The following GREB1L variants were observed in gnomAD, a reference collection of about 807,000 sequenced individuals.
GREB1L encodes the protein GREB1-like protein.
In GREB1L, 17 loss-of-function variants were observed where a neutral mutation model predicts 200.8. The ratio of observed to expected loss-of-function variants is 0.08; its 90% CI spans 0.06 to 0.13. The LOEUF is 0.13. Among genes scored for constraint, GREB1L ranks in the 10% least tolerant of loss-of-function variants. GREB1L has a pLI of 1.00. For missense variants in GREB1L, 1,657 were observed against 2,367.7 expected, an observed-to-expected ratio of 0.70 and a Z score of 6.23; for synonymous variants, 789 against 893.0, an observed-to-expected ratio of 0.88 and a Z score of 2.08.
intron 2 of GREB1L, among the ~76,000 whole-genome samples, chr18:21,381,601 TG>T (rs1483842506): frequency 2.0e-5 from 3 of 152,234 alleles, no homozygotes; most frequent in Non-Finnish European, 2.9e-5. Context: ...GAGTAGCTTA[TG>T]TGCTTCTGCA....
Position 21,495,783 on chromosome 18 carries a change from C to T in GREB1L, c.3144C>T (p.Pro1048=). The T allele has an allele frequency of 2.0e-6, 3 of 1,471,820 alleles. No individual in the cohort carries two copies. Among genetic ancestry groups the T allele is most frequent in the Non-Finnish European group, 2.8e-6 (3 of 1,081,664 alleles). 91.2% of individuals were successfully genotyped at this position (1,471,820 alleles called of 1,614,324 possible). A position where few individuals can be genotyped will look rare whatever the true frequency, so the allele number is the denominator to read the frequency against. ...TGKDPLGETF[P]RSLKYCDLRL... is the part of the protein sequence containing the mutation. ...AAGATCCTCTTGGAGAAACCTTTCC[C>T]AGGTACAGTTTCAATAATTAATTCC... The change falls in exon 20 of 33, where the codon CCC becomes CCT. Residue 1048 remains proline, a splice_region_variant and synonymous_variant. Transcript: ENST00000424526.
intron 4 of GREB1L, among the ~76,000 whole-genome samples, chr18:21,384,964 A>AG (rs1261084071): frequency 6.6e-6 from 1 of 151,764 alleles, no homozygotes; most frequent in Non-Finnish European, 1.5e-5. Flanking sequence ...TTTATTTATT[A>AG]GGGTCAACCT....
chr18:21,450,921 T>TA (rs2145422274), intron 12 of GREB1L, 102 bp from the exon 13 acceptor site: 5 of 1,196,234 alleles, frequency 4.2e-6, no homozygotes, highest in Non-Finnish European at 5.9e-6. Flanking sequence ...CAAGTCCCTA[T>TA]AGTGACATCC....
chr18:21,482,642 ATTTT>A (rs35313539), intron 17 of GREB1L, among the ~76,000 whole-genome samples: 53 of 118,088 alleles, frequency 4.5e-4, no homozygotes, highest in African/African-American at 1.5e-3. Context: ...TAGATTACAG[ATTTT>A]TTTTTTTTTT....
intron 15 of GREB1L, among the ~76,000 whole-genome samples, chr18:21,464,725 A>G (rs1598884464): frequency 6.6e-6 from 1 of 152,286 alleles, no homozygotes; most frequent in South Asian, 2.1e-4. Context: ...AACTGACATT[A>G]TGTGCAAAAA....
chr18:21,477,209 A>G lies in GREB1L; in HGVS notation c.2409A>G (p.Leu803=). 1 of 1,552,170 alleles carries G rather than the reference A, an allele frequency of 6.4e-7. No homozygotes were observed. The highest frequency in any genetic ancestry group is 1.2e-5 in the South Asian group (1 of 84,056). ...SLSHSEPSHG[L]ADRVINCREV... ...CACATAGCGAACCCAGTCATGGGCT[A>G]GCTGATAGAGTCATTAATTGCAGAG... The change falls in exon 17 of 33, where the codon CTA becomes CTG. Residue 803 remains leucine (L), a synonymous_variant. Transcript: ENST00000424526.
At chr18:21,490,877 T>C (rs2036307078) in intron 19 of GREB1L, among the ~76,000 whole-genome samples, 1 of 152,190 alleles carries the variant, frequency 6.6e-6, no homozygotes, top group African/African-American at 2.4e-5. Context: ...TTGTTGTTTC[T>C]TTTTACTTGC....
At position 21,452,224 on chromosome 18, in the gene GREB1L, T is replaced by A; in HGVS notation, c.1984+7T>A. On this transcript the variant is annotated splice_region_variant and intron_variant, in intron 14 of 32. Transcript: ENST00000424526. ...ATTCCCACACAAAACCTGGGTAATGTCATCTCAGACCAAGAGGAGGAAGTC... is the reference window on the plus strand; with the variant it reads ...ATTCCCACACAAAACCTGGGTAATGACATCTCAGACCAAGAGGAGGAAGTC... 1 of 1,550,898 alleles carries A rather than the reference T, an allele frequency of 6.4e-7. No individual in the cohort carries two copies. The highest frequency in any genetic ancestry group is 8.7e-7 in the Non-Finnish European group (1 of 1,146,730).
chr18:21,414,788 A>G (rs2031459835), intron 7 of GREB1L, among the ~76,000 whole-genome samples: 1 of 152,142 alleles, frequency 6.6e-6, no homozygotes, highest in Non-Finnish European at 1.5e-5. Context: ...TCAGCTCAAC[A>G]TTTGCTCCTG....
At chr18:21,273,527 C>T (rs1001827182) in intron 1 of GREB1L, among the ~76,000 whole-genome samples, 1 of 152,026 alleles carries the variant, frequency 6.6e-6, no homozygotes, top group Non-Finnish European at 1.5e-5. Flanking sequence ...TGAGTTCCTA[C>T]GCAAACAGAA....
At chr18:21,376,423 T>TAA (rs1378855071) in intron 2 of GREB1L, among the ~76,000 whole-genome samples, 1 of 138,616 alleles carries the variant, frequency 7.2e-6, no homozygotes, top group Non-Finnish European at 1.6e-5. Context: ...GGCCTATTTT[T>TAA]AAGAAAAAAA....
intron 1 of GREB1L, among the ~76,000 whole-genome samples, chr18:21,279,606 G>T (rs1034119865): frequency 9.2e-5 from 14 of 152,084 alleles, no homozygotes; most frequent in Non-Finnish European, 2.1e-4. Flanking sequence ...GAATTTAGCG[G>T]GTTTAAAATT....
intron 9 of GREB1L, among the ~76,000 whole-genome samples, 189 bp from the exon 10 acceptor site, chr18:21,441,211 A>G (rs1256358027): frequency 2.0e-5 from 3 of 152,212 alleles, no homozygotes; most frequent in Non-Finnish European, 4.4e-5. Flanking sequence ...ACATGTTATG[A>G]TTATGGTTAA....
intron 7 of GREB1L, among the ~76,000 whole-genome samples, chr18:21,408,838 T>G (rs1159008422): frequency 2.0e-5 from 3 of 149,356 alleles, no homozygotes; most frequent in Non-Finnish European, 3.0e-5. Context: ...CTTCACATCC[T>G]CTAGAACAGC....
chr18:21,501,204 G>A (rs959338967), intron 23 of GREB1L, among the ~76,000 whole-genome samples: 2 of 151,030 alleles, frequency 1.3e-5, no homozygotes, highest in African/African-American at 4.9e-5. Flanking sequence ...TCTTTACAAT[G>A]TCCTGCGAGG....
chr18:21,466,123 A>G (rs1168084722), intron 15 of GREB1L, among the ~76,000 whole-genome samples: 1 of 152,078 alleles, frequency 6.6e-6, no homozygotes, highest in Non-Finnish European at 1.5e-5. Flanking sequence ...TTGTAGCTGT[A>G]ATTCATTCAT....
At chr18:21,247,230 C>A (rs1485345228) in intron 1 of GREB1L, among the ~76,000 whole-genome samples, 1 of 151,764 alleles carries the variant, frequency 6.6e-6, no homozygotes, top group Non-Finnish European at 1.5e-5. Context: ...CCTACCACCC[C>A]ACCCTTCAGT....
rs1475751563 is a variant in GREB1L, at chr18:21,490,281, G to A, written c.2960G>A (p.Arg987Gln). The A allele has an allele frequency of 2.6e-6, 4 of 1,551,708 alleles. No homozygotes were observed. The highest frequency in any genetic ancestry group is 1.7e-6 in the Non-Finnish European group (2 of 1,147,038). ...EVRDKLGLQY[R>Q]FEIILGNPAT... Reference sequence around the variant, plus strand: ...CGCGACAAACTGGGTCTGCAGTATCGGTTTGAGATCATCCTTGGGAACCCG... The same window carrying A: ...CGCGACAAACTGGGTCTGCAGTATCAGTTTGAGATCATCCTTGGGAACCCG... Residue 987 changes from arginine to glutamine, a missense_variant, in exon 19 of 33, where the codon CGG becomes CAG. This residue lies in a region of GREB1L where 512 missense variants were observed against 668.3 expected (regional missense o/e 0.77). Transcript: ENST00000424526.
intron 1 of GREB1L, among the ~76,000 whole-genome samples, chr18:21,274,229 G>T (rs1456004397): frequency 2.0e-4 from 30 of 151,958 alleles, no homozygotes; most frequent in Admixed American, 2.0e-3. Flanking sequence ...TTTTTTATAA[G>T]GTCACTAATT....
Sources: gnomAD v4.1 joint callset for allele counts (sites outside exome capture counted in the v4.1 genomes callset) on GRCh38, gnomAD v4.1.1 for gene constraint, gnomAD v4.1.1 regional missense constraint, MANE v1.5 for transcripts, NCBI Gene and HGNC (gene_info 2026-07-23, HGNC 2026-07-21) for gene names.